The following AGMO variants were observed in gnomAD, a reference collection of about 807,000 sequenced individuals.
The protein encoded by AGMO is alkylglycerol monooxygenase, also known as glyceryl-ether monooxygenase.
In AGMO, 75 loss-of-function variants were observed where a neutral mutation model predicts 60.2. The observed-to-expected ratio is 1.25, with a 90% CI of 1.03 to 1.51. The LOEUF is 1.51. Ranked by LOEUF, AGMO falls within the 40% of genes most tolerant of loss-of-function variation. The probability of loss-of-function intolerance (pLI) is 0.00; values close to 1 mark genes in which losing one functional copy is unlikely to be tolerated. For synonymous variants in AGMO, 261 were observed against 177.1 expected (o/e 1.47, Z -3.76); for missense variants, 763 against 525.5 (o/e 1.45, Z -4.42).
chr7:15,465,455 C>T (rs748002112), intron 3 of AGMO, among the ~76,000 whole-genome samples: 4 of 151,014 alleles, frequency 2.6e-5, no homozygotes, highest in Non-Finnish European at 4.4e-5. Flanking sequence ...CAAGATCTTG[C>T]TCTTTTGCCC....
the AGMO span, among the ~76,000 whole-genome samples, chr7:15,152,072 G>A: frequency 6.6e-6 from 1 of 152,112 alleles, no homozygotes; most frequent in African/African-American, 2.4e-5. Context: ...GTGCTCCAGT[G>A]TTGGGTGCAT....
chr7:15,503,040 CAT>C (rs1183345934), intron 3 of AGMO, among the ~76,000 whole-genome samples: 2 of 152,022 alleles, frequency 1.3e-5, no homozygotes, highest in Non-Finnish European at 2.9e-5. Flanking sequence ...GGAACTGAGA[CAT>C]TGATTCAGAG....
At chr7:15,375,313 T>C (rs183102446) in intron 10 of AGMO, among the ~76,000 whole-genome samples, 1 of 152,118 alleles carries the variant, frequency 6.6e-6, no homozygotes, top group Admixed American at 6.5e-5. Context: ...CTTTTCATTA[T>C]TTTCCAAAAT....
At chr7:15,439,168 G>A (rs1312935822) in intron 3 of AGMO, among the ~76,000 whole-genome samples, 2 of 152,148 alleles carry the variant, frequency 1.3e-5, no homozygotes, top group African/African-American at 4.8e-5. Context: ...GGAGGCCAAG[G>A]TGGGCATATC....
chr7:15,168,056 T>C, the AGMO span, among the ~76,000 whole-genome samples: 2 of 152,208 alleles, frequency 1.3e-5, no homozygotes, highest in South Asian at 2.1e-4. Context: ...TCACGGGCCT[T>C]AAATGACCTG....
chr7:15,378,053 A>G (rs184694993), intron 10 of AGMO, among the ~76,000 whole-genome samples: 24 of 152,160 alleles, frequency 1.6e-4, no homozygotes, highest in Non-Finnish European at 2.4e-4. Context: ...AACAGTAACT[A>G]TATGTCCAAT....
the AGMO span, among the ~76,000 whole-genome samples, chr7:15,131,520 T>C: frequency 6.6e-6 from 1 of 152,098 alleles, no homozygotes; most frequent in African/African-American, 2.4e-5. Flanking sequence ...CATTTCTGCC[T>C]AGACTATGGC....
At chr7:15,430,612 A>C (rs568537034) in intron 4 of AGMO, among the ~76,000 whole-genome samples, 33 of 135,922 alleles carry the variant, frequency 2.4e-4, no homozygotes, top group Non-Finnish European at 4.5e-4. Context: ...TTAAAAAAAA[A>C]AAACAACTGG....
chr7:15,230,715 C>T (rs1467874002), intron 12 of AGMO, among the ~76,000 whole-genome samples: 1 of 152,104 alleles, frequency 6.6e-6, no homozygotes, highest in Non-Finnish European at 1.5e-5. Flanking sequence ...ATCTCAAAGA[C>T]ACTTTTCCCC....
intron 2 of AGMO, among the ~76,000 whole-genome samples, chr7:15,559,454 G>A (rs976460846): frequency 1.3e-5 from 2 of 152,098 alleles, no homozygotes; most frequent in African/African-American, 2.4e-5. Flanking sequence ...TCTATGCTTA[G>A]ACCTAATGAA....
the AGMO span, among the ~76,000 whole-genome samples, chr7:15,145,778 T>A: frequency 2.0e-5 from 3 of 152,160 alleles, no homozygotes; most frequent in Non-Finnish European, 4.4e-5. Flanking sequence ...AGAAATTTAA[T>A]CATCATTACA....
At chr7:15,466,021 A>G (rs1362340721) in intron 3 of AGMO, among the ~76,000 whole-genome samples, 2 of 152,164 alleles carry the variant, frequency 1.3e-5, no homozygotes, top group Non-Finnish European at 2.9e-5. Context: ...ATACTTCTTT[A>G]TAAGTTGGGG....
At chr7:15,221,301 G>T (rs979902317) in intron 12 of AGMO, among the ~76,000 whole-genome samples, 3 of 152,036 alleles carry the variant, frequency 2.0e-5, no homozygotes, top group Non-Finnish European at 4.4e-5. Context: ...CTGAGCTCTT[G>T]TAAGTCATCT....
At position 15,422,650 on chromosome 7, in the gene AGMO, AAG is replaced by A. The variant is rs371827081; in HGVS notation, c.514-3999_514-3998del. On this transcript the variant is annotated intron_variant, in intron 4 of 12. Transcript: ENST00000342526. ...ATCTTGAGGAGACAGTGAAATTCTA[AAG>A]AGTTTCCCCAAGGTAGAGAGGAGAA... Among the ~76,000 whole-genome samples, 34 of 152,244 alleles carry A rather than the reference AAG, an allele frequency of 2.2e-4. No individual in the cohort carries two copies. In the East Asian group the frequency reaches 5.8e-3, roughly 26 times the overall value.
At chr7:15,286,503 C>G (rs1784104064) in intron 12 of AGMO, among the ~76,000 whole-genome samples, 1 of 151,970 alleles carries the variant, frequency 6.6e-6, no homozygotes, top group African/African-American at 2.4e-5. Flanking sequence ...CAAGAAAATT[C>G]AAATTAAAAC....
At chr7:15,336,278 T>C (rs567815944) in intron 12 of AGMO, among the ~76,000 whole-genome samples, 1 of 151,114 alleles carries the variant, frequency 6.6e-6, no homozygotes, top group African/African-American at 2.4e-5. Context: ...CACAAATGTA[T>C]GTCCACCCAG....
chr7:15,269,767 T>G (rs562717934), intron 12 of AGMO, among the ~76,000 whole-genome samples: 1 of 152,096 alleles, frequency 6.6e-6, no homozygotes, highest in African/African-American at 2.4e-5. Flanking sequence ...TCTCATACCC[T>G]ACTCCCATAA....
At position 15,333,615 on chromosome 7, in the gene AGMO, AAAAG is replaced by A. The variant is rs1461869039; in HGVS notation, c.1263+31895_1263+31898del. Among the ~76,000 whole-genome samples, 361 of 151,016 alleles carry A rather than the reference AAAAG, an allele frequency of 2.4e-3. 1 individual carries two copies. The highest frequency in any genetic ancestry group is 3.9e-3 in the Non-Finnish European group (262 of 67,790). On this transcript the variant is annotated intron_variant, in intron 12 of 12. Coordinates refer to ENST00000342526, the MANE Select transcript of AGMO (RefSeq NM_001004320.2). ...AACTACTGAATTTAAAAAAAAAAAA[AAAAG>A]AAAGAAAAAAAATAAAAAGAATGTT...
intron 12 of AGMO, among the ~76,000 whole-genome samples, chr7:15,272,748 A>G (rs546154793): frequency 3.9e-5 from 6 of 152,324 alleles, no homozygotes; most frequent in Non-Finnish European, 8.8e-5. Flanking sequence ...TGCCACCAAC[A>G]GTGTAAAAGT....
Sources: gnomAD v4.1 joint callset for allele counts (sites outside exome capture counted in the v4.1 genomes callset) on GRCh38, gnomAD v4.1.1 for gene constraint, MANE v1.5 for transcripts, NCBI Gene and HGNC (gene_info 2026-07-23, HGNC 2026-07-21) for gene names.